The following ENPP6 variants were observed in gnomAD, a reference collection of about 807,000 sequenced individuals.
ENPP6 encodes the protein glycerophosphocholine cholinephosphodiesterase ENPP6.
A neutral mutation model predicts 42.0 loss-of-function variants in ENPP6; 32 were observed. That is an observed-to-expected ratio of 0.76 (90% CI 0.58 to 1.02). The LOEUF is 1.02. ENPP6 is among the 50% of genes least tolerant of loss of function. The pLI is 0.00. For synonymous variants in ENPP6, 213 were observed against 216.0 expected, an observed-to-expected ratio of 0.99 and a Z score of 0.12; for missense variants, 552 against 566.8, an observed-to-expected ratio of 0.97 and a Z score of 0.27.
intron 2 of ENPP6, among the ~76,000 whole-genome samples, chr4:184,130,082 T>A (rs545667441): frequency 6.6e-6 from 1 of 152,184 alleles, no homozygotes; most frequent in South Asian, 2.1e-4. Flanking sequence ...GTGCGGAGCT[T>A]AGGGTGGGAA....
chr4:184,217,830 G>A lies in ENPP6; in HGVS notation c.-11C>T. The A allele has an allele frequency of 6.2e-7, 1 of 1,611,818 alleles. No homozygotes were observed. Among genetic ancestry groups the A allele is most frequent in the South Asian group, 1.1e-5 (1 of 90,832 alleles). ...AAGCTTCACTGCCATGCTGCCAGGAGCCTGCCAGAGCCCGGCTGGCACAGC... is the reference window on the plus strand; with the variant it reads ...AAGCTTCACTGCCATGCTGCCAGGAACCTGCCAGAGCCCGGCTGGCACAGC... On this transcript the variant is annotated 5_prime_UTR_variant, in exon 1 of 8. Coordinates refer to ENST00000296741, the MANE Select transcript of ENPP6 (RefSeq NM_153343.4).
intron 2 of ENPP6, among the ~76,000 whole-genome samples, chr4:184,132,083 C>A (rs954278464): frequency 5.9e-5 from 9 of 152,028 alleles, no homozygotes; most frequent in African/African-American, 1.9e-4. Context: ...CTATTCAGGC[C>A]CTCAAGGGAT....
intron 1 of ENPP6, among the ~76,000 whole-genome samples, chr4:184,201,730 A>C (rs1732907921): frequency 7.4e-6 from 1 of 134,600 alleles, no homozygotes; most frequent in South Asian, 2.4e-4. Context: ...GTAAATTCTT[A>C]GAACACATTT....
intron 6 of ENPP6, among the ~76,000 whole-genome samples, chr4:184,101,878 C>A (rs994203951): frequency 3.9e-4 from 59 of 152,126 alleles, no homozygotes; most frequent in Non-Finnish European, 1.2e-4. Flanking sequence ...AGGAAGGAAC[C>A]AGAAACAAGT....
chr4:184,212,528 A>C lies in ENPP6; in HGVS notation c.241+5051T>G, dbSNP rs567285662. ...AATAAAATACCTAGGAATCCCACTT[A>C]CAAGGGATGTGAAGGACCTCTTCAA... On this transcript the variant is annotated intron_variant, in intron 1 of 7. Transcript: ENST00000296741. Among the ~76,000 whole-genome samples the C allele has an allele frequency of 2.4e-3, 365 of 151,350 alleles. 2 individuals are homozygous for C. Among genetic ancestry groups the C allele is most frequent in the African/African-American group, 8.7e-3 (353 of 40,724 alleles).
chr4:184,182,643 T>C (rs1732571079), intron 1 of ENPP6, among the ~76,000 whole-genome samples: 1 of 152,196 alleles, frequency 6.6e-6, no homozygotes, highest in African/African-American at 2.4e-5. Flanking sequence ...TAAGAAAACA[T>C]GGTACATATA....
intron 6 of ENPP6, among the ~76,000 whole-genome samples, chr4:184,108,277 C>T (rs537103953): frequency 7.2e-4 from 109 of 152,318 alleles, no homozygotes; most frequent in African/African-American, 2.3e-3. Context: ...AGGCTGCTTT[C>T]GGGCCGAGAG....
intron 6 of ENPP6, among the ~76,000 whole-genome samples, chr4:184,112,441 G>C (rs1736209284): frequency 1.3e-5 from 2 of 152,202 alleles, no homozygotes; most frequent in African/African-American, 2.4e-5. Flanking sequence ...TTAAAACACA[G>C]CGAGTCTGGA....
At position 184,217,697 on chromosome 4, in the gene ENPP6, A is replaced by G; in HGVS notation, c.123T>C (p.Asp41=). 2 of 1,614,234 alleles carry G rather than the reference A, an allele frequency of 1.2e-6. No homozygotes were observed. The highest frequency in any genetic ancestry group is 2.7e-5 in the African/African-American group (2 of 75,068). Reference sequence around the variant, plus strand: ...AACCAGGCAATGACTCCAGCGCCTCATCACTGATGTAGTCTGAGCGAAAAC... The same window carrying G: ...AACCAGGCAATGACTCCAGCGCCTCGTCACTGATGTAGTCTGAGCGAAAAC... The part of the protein sequence containing the change: ...LDGFRSDYIS[D]EALESLPGFK... Residue 41 remains aspartate (D), a synonymous_variant, in exon 1 of 8, where the codon GAT becomes GAC. Transcript: ENST00000296741.
At chr4:184,133,904 G>A (rs1736685632) in intron 2 of ENPP6, among the ~76,000 whole-genome samples, 1 of 145,310 alleles carries the variant, frequency 6.9e-6, no homozygotes, top group East Asian at 2.0e-4. Context: ...GCCTCACTCT[G>A]TCACCCAGGC....
intron 6 of ENPP6, among the ~76,000 whole-genome samples, chr4:184,110,785 T>C (rs1203333040): frequency 6.6e-6 from 1 of 152,234 alleles, no homozygotes; most frequent in African/African-American, 2.4e-5. Flanking sequence ...CTTCTAGTTA[T>C]GTGGGATAGT....
intron 2 of ENPP6, among the ~76,000 whole-genome samples, chr4:184,142,506 TG>T (rs11324381): frequency 0.4 from 61,580 of 152,066 alleles, 14,273 homozygotes; most frequent in Non-Finnish European, 0.53. Context: ...CCCACGGGGC[TG>T]GGGGACGTTT....
intron 2 of ENPP6, among the ~76,000 whole-genome samples, chr4:184,143,400 C>T (rs1035036824): frequency 1.1e-4 from 16 of 152,344 alleles, no homozygotes; most frequent in African/African-American, 3.8e-4. Context: ...TGTCTGTGGG[C>T]CCTGCAAAGC....
chr4:184,172,903 TTTTG>T (rs1358981353), intron 1 of ENPP6, among the ~76,000 whole-genome samples: 3 of 152,026 alleles, frequency 2.0e-5, no homozygotes, highest in African/African-American at 4.8e-5. Flanking sequence ...ATCCAGTGTT[TTTTG>T]TTTGTTTGTT....
intron 2 of ENPP6, 108 bp downstream of exon 2, chr4:184,153,446 A>T (rs1421264871): frequency 7.9e-7 from 1 of 1,266,270 alleles, no homozygotes; most frequent in East Asian, 2.5e-5. Context: ...TTAAATAAAG[A>T]TCCCATTTTC....
Position 184,117,867 on chromosome 4 carries a change from A to T in ENPP6, c.567T>A (p.His189Gln), listed in dbSNP as rs767308783. 4 of 1,614,092 alleles carry T rather than the reference A, an allele frequency of 2.5e-6. No homozygotes were observed. Among genetic ancestry groups the T allele is most frequent in the Non-Finnish European group, 3.4e-6 (4 of 1,180,048 alleles). ...SGRADLAAIY[H>Q]ERIDVEGHHY... The stretch of plus-strand genomic sequence containing the variant: ...GGTGGCCTTCCACGTCAATGCGCTC[A>T]TGGTATATGGCTGCCAGGTCGGCCC... The change falls in exon 4 of 8, where the codon CAT becomes CAA. Residue 189 changes from histidine to glutamine, a missense_variant. This residue lies in a region of ENPP6 where 545 missense variants were observed against 546.3 expected (regional missense o/e 1.00). Coordinates refer to ENST00000296741, the MANE Select transcript of ENPP6 (RefSeq NM_153343.4).
At chr4:184,198,648 T>C (rs550539823) in intron 1 of ENPP6, among the ~76,000 whole-genome samples, 1 of 152,316 alleles carries the variant, frequency 6.6e-6, no homozygotes, top group African/African-American at 2.4e-5. Context: ...GGAACATGTA[T>C]TTCAAAACTC....
At chr4:184,146,733 G>T (rs1471598994) in intron 2 of ENPP6, among the ~76,000 whole-genome samples, 1 of 152,140 alleles carries the variant, frequency 6.6e-6, no homozygotes, top group Non-Finnish European at 1.5e-5. Flanking sequence ...GCCTCTCCCT[G>T]CCTCTCAGAT....
At position 184,217,840 on chromosome 4, in the gene ENPP6, G is replaced by A. The variant is rs772088772; in HGVS notation, c.-21C>T. ...GCCATGCTGCCAGGAGCCTGCCAGAGCCCGGCTGGCACAGCTGTCGCCTTG... is the reference window on the plus strand; with the variant it reads ...GCCATGCTGCCAGGAGCCTGCCAGAACCCGGCTGGCACAGCTGTCGCCTTG... On this transcript the variant is annotated 5_prime_UTR_variant, in exon 1 of 8. Transcript: ENST00000296741. 1.9e-6 allele frequency: 3 copies of A among 1,610,104 alleles called. No homozygotes were observed. The East Asian group carries it at 6.7e-5, about 36-fold the overall frequency.
Sources: allele counts gnomAD v4.1 joint callset (sites outside exome capture counted in the v4.1 genomes callset), GRCh38; gene constraint gnomAD v4.1.1; regional missense constraint gnomAD v4.1.1; transcripts MANE v1.5; gene names NCBI Gene and HGNC (gene_info 2026-07-23, HGNC 2026-07-21).